Variants in CNTN4 observed in about 807,000 individuals in gnomAD.
CNTN4 encodes the protein contactin 4.
In CNTN4, 77 loss-of-function variants were observed where a neutral mutation model predicts 122.5. That is an observed-to-expected ratio of 0.63 (90% CI 0.52 to 0.76). The LOEUF is 0.76. Among genes scored for constraint, CNTN4 ranks in the 30% least tolerant of loss-of-function variants. The probability of loss-of-function intolerance (pLI) is 0.00; values close to 1 mark genes in which losing one functional copy is unlikely to be tolerated. For missense variants in CNTN4, 1,256 were observed against 1,259.1 expected, an observed-to-expected ratio of 1.00 and a Z score of 0.04; for synonymous variants, 512 against 447.0, an observed-to-expected ratio of 1.15 and a Z score of -1.83.
intron 7 of CNTN4, among the ~76,000 whole-genome samples, chr3:2,834,905 T>TTTTTTTTTTTTTTTTTTTA: frequency 8.6e-6 from 1 of 116,024 alleles, no homozygotes; most frequent in Admixed American, 8.8e-5. Context: ...AACCTTTTTT[T>TTTTTTTTTTTTTTTTTTTA]TTTTTTTTTT....
chr3:2,708,150 T>C (rs1319920401), intron 4 of CNTN4, among the ~76,000 whole-genome samples: 2 of 152,318 alleles, frequency 1.3e-5, no homozygotes, highest in East Asian at 3.9e-4. Context: ...GTATTATATT[T>C]CAAAGTTTCA....
intron 14 of CNTN4, among the ~76,000 whole-genome samples, chr3:2,989,483 A>G (rs1017512607): frequency 6.6e-6 from 1 of 152,084 alleles, no homozygotes; most frequent in Non-Finnish European, 1.5e-5. Flanking sequence ...CAAAAAAAAC[A>G]ATTTGCCTTT....
chr3:2,667,071 A>G (rs2084212908), intron 4 of CNTN4, among the ~76,000 whole-genome samples: 6 of 152,136 alleles, frequency 3.9e-5, no homozygotes, highest in Admixed American at 2.6e-4. Context: ...GTGTCTTTAT[A>G]GCAGCATGGT....
intron 2 of CNTN4, among the ~76,000 whole-genome samples, chr3:2,267,618 C>T (rs558851157): frequency 9.2e-5 from 14 of 152,052 alleles, no homozygotes; most frequent in South Asian, 6.2e-4. Flanking sequence ...TTGGATGGAA[C>T]GATATCTTCT....
chr3:2,561,349 TG>T (rs1409872216), intron 3 of CNTN4, among the ~76,000 whole-genome samples: 1 of 152,306 alleles, frequency 6.6e-6, no homozygotes, highest in East Asian at 1.9e-4. Flanking sequence ...TTTCCTGCTC[TG>T]GTGATAGAAG....
At position 3,009,722 on chromosome 3, in the gene CNTN4, C is replaced by T. The variant is rs1447358759; in HGVS notation, c.1487-16380C>T. 5.3e-5 allele frequency among the ~76,000 whole-genome samples: 8 copies of T among 152,164 alleles called. No homozygotes were observed. In the South Asian group the frequency reaches 6.2e-4, roughly 12 times the overall value. On this transcript the variant is annotated intron_variant, in intron 14 of 24. Transcript: ENST00000418658. ...TGCTGGGATTACAGGCGTGAGCCAC[C>T]GCGCCCGGCCAGCATTTCTTTTTGC...
chr3:2,108,440 A>T (rs1016448479), intron 2 of CNTN4, among the ~76,000 whole-genome samples: 2 of 152,042 alleles, frequency 1.3e-5, no homozygotes, highest in Non-Finnish European at 2.9e-5. Flanking sequence ...AGGATGCTGG[A>T]TATTCATTTT....
chr3:2,378,074 C>T (rs1393878287), intron 3 of CNTN4, among the ~76,000 whole-genome samples: 1 of 152,192 alleles, frequency 6.6e-6, no homozygotes, highest in Non-Finnish European at 1.5e-5. Flanking sequence ...CTAAGTACCA[C>T]AGTGTAGTTT....
chr3:2,386,359 T>G (rs1036900650), intron 3 of CNTN4, among the ~76,000 whole-genome samples: 3 of 152,144 alleles, frequency 2.0e-5, no homozygotes, highest in African/African-American at 7.2e-5. Context: ...CAACCCATAG[T>G]TTTTCTGTCT....
chr3:2,933,429 T>A (rs1405739798), intron 13 of CNTN4, among the ~76,000 whole-genome samples: 1 of 152,084 alleles, frequency 6.6e-6, no homozygotes, highest in African/African-American at 2.4e-5. Flanking sequence ...TGGCCTTCTG[T>A]CATTGTGGGA....
At chr3:2,334,687 G>C (rs1340884157) in intron 2 of CNTN4, among the ~76,000 whole-genome samples, 1 of 152,116 alleles carries the variant, frequency 6.6e-6, no homozygotes, top group Non-Finnish European at 1.5e-5. Flanking sequence ...GTAATCAATG[G>C]TGATCACATA....
intron 2 of CNTN4, among the ~76,000 whole-genome samples, chr3:2,198,337 G>C (rs2037942972): frequency 6.6e-6 from 1 of 152,138 alleles, no homozygotes; most frequent in Non-Finnish European, 1.5e-5. Flanking sequence ...TGTTTGAACA[G>C]AATTACACAT....
At chr3:2,758,827 A>G (rs1446415218) in intron 6 of CNTN4, among the ~76,000 whole-genome samples, 1 of 149,858 alleles carries the variant, frequency 6.7e-6, no homozygotes, top group Non-Finnish European at 1.5e-5. Flanking sequence ...ACTTTTTTTT[A>G]GTAACATCTT....
intron 3 of CNTN4, among the ~76,000 whole-genome samples, chr3:2,418,043 A>T (rs2151085702): frequency 6.6e-6 from 1 of 152,326 alleles, no homozygotes; most frequent in Non-Finnish European, 1.5e-5. Flanking sequence ...AATCTATATG[A>T]TACTATAATG....
intron 4 of CNTN4, among the ~76,000 whole-genome samples, chr3:2,691,199 T>C (rs2085719994): frequency 6.6e-6 from 1 of 152,202 alleles, no homozygotes; most frequent in Non-Finnish European, 1.5e-5. Flanking sequence ...TTTGAGGCAT[T>C]CCTCAAGAAC....
intron 15 of CNTN4, among the ~76,000 whole-genome samples, chr3:3,029,653 C>T (rs747339450): frequency 1.3e-5 from 2 of 152,156 alleles, no homozygotes; most frequent in African/African-American, 2.4e-5. Flanking sequence ...GGATGCTAGT[C>T]TAGTGTTACT....
rs893107833 is a variant in CNTN4 at position 3,057,818 on chromosome 3, A to C, written c.*1598A>C. ...AAAATTTAAAATCACATGCAAAAAA[A>C]AAATCAGCAAAATAATAAAATGAAC... On this transcript the variant is annotated 3_prime_UTR_variant, in exon 25 of 25. Transcript: ENST00000418658. 1 of 152,668 alleles carries C rather than the reference A, an allele frequency of 6.6e-6. No homozygotes were observed. Among genetic ancestry groups the C allele is most frequent in the African/African-American group, 2.4e-5 (1 of 41,462 alleles). 9.5% of individuals were successfully genotyped at this position (152,668 alleles called of 1,614,324 possible). A position where few individuals can be genotyped will look rare whatever the true frequency, so the allele number is the denominator to read the frequency against.
At chr3:2,981,322 T>C (rs1180535410) in intron 13 of CNTN4, among the ~76,000 whole-genome samples, 2 of 151,748 alleles carry the variant, frequency 1.3e-5, no homozygotes, top group Admixed American at 6.6e-5. Context: ...CGGGCGCCTG[T>C]AGTCCCAGCT....
At chr3:2,118,463 A>G (rs2033518608) in intron 2 of CNTN4, among the ~76,000 whole-genome samples, 1 of 152,220 alleles carries the variant, frequency 6.6e-6, no homozygotes, top group Non-Finnish European at 1.5e-5. Context: ...AAGTATTCCA[A>G]ATGTTAAGAA....
Sources: gnomAD v4.1 joint callset for allele counts (sites outside exome capture counted in the v4.1 genomes callset) on GRCh38, gnomAD v4.1.1 for gene constraint, MANE v1.5 for transcripts, NCBI Gene and HGNC (gene_info 2026-07-23, HGNC 2026-07-21) for gene names.